NELL1: variants seen among roughly 807,000 people sequenced by gnomAD.
NELL1 encodes protein kinase C-binding protein NELL1.
Under a neutral mutation model 107.4 loss-of-function variants are expected in NELL1, and 76 were observed. The ratio of observed to expected loss-of-function variants is 0.71; its 90% CI spans 0.59 to 0.86. The LOEUF is 0.86. Among genes scored for constraint, NELL1 ranks in the 40% least tolerant of loss-of-function variants. The pLI, the probability that NELL1 is intolerant of heterozygous loss-of-function variation, is 0.00. For missense variants in NELL1, 1,024 were observed against 1,005.5 expected (o/e 1.02, Z -0.25); for synonymous variants, 353 against 341.2 (o/e 1.03, Z -0.38).
intron 5 of NELL1, among the ~76,000 whole-genome samples, chr11:20,896,853 A>G (rs1271429231): frequency 6.6e-6 from 1 of 152,110 alleles, no homozygotes; most frequent in Non-Finnish European, 1.5e-5. Flanking sequence ...TCCAACTTAC[A>G]AGGGATGTGA....
At chr11:21,498,099 C>G (rs1323600110) in intron 15 of NELL1, among the ~76,000 whole-genome samples, 1 of 151,752 alleles carries the variant, frequency 6.6e-6, no homozygotes, top group Non-Finnish European at 1.5e-5. Flanking sequence ...TGCCTTTACA[C>G]TAGAATTATT....
At chr11:21,180,254 G>A (rs1486809168) in intron 13 of NELL1, among the ~76,000 whole-genome samples, 2 of 151,780 alleles carry the variant, frequency 1.3e-5, no homozygotes, top group Admixed American at 6.6e-5. Context: ...AACAAACTCT[G>A]CGGTTGCTTT....
intron 13 of NELL1, among the ~76,000 whole-genome samples, chr11:21,210,674 T>C (rs1857479383): frequency 6.6e-6 from 1 of 152,196 alleles, no homozygotes; most frequent in South Asian, 2.1e-4. Context: ...TTACTGTGTG[T>C]CTTCAACAAT....
chr11:21,236,204 A>G (rs1858202885), intron 14 of NELL1, among the ~76,000 whole-genome samples: 2 of 152,192 alleles, frequency 1.3e-5, no homozygotes, highest in African/African-American at 4.8e-5. Flanking sequence ...CTTCTGAGTC[A>G]GAATAAATTG....
intron 14 of NELL1, chr11:21,284,359 C>T (rs577158296): frequency 4.4e-6 from 2 of 457,198 alleles, no homozygotes; most frequent in East Asian, 7.0e-5. Context: ...GCCTAAAGAT[C>T]ATGACTAAGG....
chr11:21,476,270 G>A (rs1425182955), intron 15 of NELL1, among the ~76,000 whole-genome samples: 1 of 152,124 alleles, frequency 6.6e-6, no homozygotes, highest in East Asian at 1.9e-4. Context: ...TCTTAACAAG[G>A]ATTATTAAGA....
At chr11:21,097,241 A>G (rs1428879960) in intron 12 of NELL1, among the ~76,000 whole-genome samples, 5 of 152,132 alleles carry the variant, frequency 3.3e-5, no homozygotes, top group African/African-American at 1.2e-4. Flanking sequence ...CCTGCTTTCA[A>G]AATGACATTG....
At chr11:21,429,096 A>C (rs1246266884) in intron 15 of NELL1, among the ~76,000 whole-genome samples, 1 of 152,192 alleles carries the variant, frequency 6.6e-6, no homozygotes, top group Non-Finnish European at 1.5e-5. Context: ...CTAATGACAT[A>C]GCATTTTTAA....
At chr11:20,852,680 G>T (rs1245360949) in intron 4 of NELL1, among the ~76,000 whole-genome samples, 1 of 152,186 alleles carries the variant, frequency 6.6e-6, no homozygotes, top group African/African-American at 2.4e-5. Flanking sequence ...GCCAGGCTGA[G>T]ACTCTCAATC....
chr11:21,089,238 C>G (rs888463314), intron 12 of NELL1, among the ~76,000 whole-genome samples: 7 of 152,138 alleles, frequency 4.6e-5, no homozygotes, highest in Non-Finnish European at 7.3e-5. Context: ...ATGTAGTAGC[C>G]AAGTGGAAAT....
chr11:20,805,288 C>T (rs1857359399), intron 3 of NELL1, among the ~76,000 whole-genome samples: 2 of 152,130 alleles, frequency 1.3e-5, no homozygotes, highest in South Asian at 4.1e-4. Context: ...TTAGTCCATT[C>T]ACATTCAATG....
chr11:20,761,422 G>A (rs1029673944), intron 2 of NELL1, among the ~76,000 whole-genome samples: 20 of 152,186 alleles, frequency 1.3e-4, no homozygotes, highest in African/African-American at 4.6e-4. Context: ...TTACCAGTGT[G>A]CATCTGCACA....
rs116590729 is a variant in NELL1, at chr11:20,950,953, C to T, written c.1171+3518C>T. On this transcript the variant is annotated intron_variant, in intron 11 of 19. Coordinates refer to ENST00000357134, the MANE Select transcript of NELL1 (RefSeq NM_006157.5). ...ATCATCTCTCTCTTACTGTGACCAT[C>T]CGGTCATTAGTCTGAGAGAAATTAC... Among the ~76,000 whole-genome samples, 587 of 152,320 alleles carry T rather than the reference C, an allele frequency of 3.9e-3. 5 individuals carry two copies. The highest frequency in any genetic ancestry group is 0.013 in the African/African-American group (558 of 41,568).
At chr11:21,288,955 T>C (rs1216136298) in intron 14 of NELL1, among the ~76,000 whole-genome samples, 5 of 151,980 alleles carry the variant, frequency 3.3e-5, no homozygotes, top group African/African-American at 1.2e-4. Context: ...TAAGAAGGAG[T>C]GTTCTAAGAA....
At chr11:20,718,451 T>C (rs922952707) in intron 2 of NELL1, among the ~76,000 whole-genome samples, 2 of 99,662 alleles carry the variant, frequency 2.0e-5, no homozygotes, top group African/African-American at 3.4e-5. Flanking sequence ...AGGGTCAGGG[T>C]TTATTTATTC....
chr11:21,020,901 C>T (rs548562558), intron 12 of NELL1, among the ~76,000 whole-genome samples: 2 of 151,730 alleles, frequency 1.3e-5, no homozygotes, highest in African/African-American at 4.8e-5. Flanking sequence ...TTGTATTGTA[C>T]CAAATAGCAG....
intron 10 of NELL1, 141 bp downstream of exon 10, chr11:20,938,000 C>T: frequency 1.4e-6 from 1 of 717,616 alleles, no homozygotes; most frequent in Non-Finnish European, 2.4e-6. Flanking sequence ...GGTTGGATTA[C>T]ATGATGGCGA....
intron 15 of NELL1, among the ~76,000 whole-genome samples, chr11:21,376,199 A>C (rs1035446482): frequency 6.6e-6 from 1 of 152,046 alleles, no homozygotes; most frequent in African/African-American, 2.4e-5. Flanking sequence ...TTAATTCTTT[A>C]ATCCATCTTG....
intron 3 of NELL1, among the ~76,000 whole-genome samples, chr11:20,826,876 G>A (rs1333663794): frequency 6.6e-6 from 1 of 151,214 alleles, no homozygotes; most frequent in African/African-American, 2.4e-5. Flanking sequence ...ATATTTAGCT[G>A]AGTTGAAGGG....
Sources: allele counts gnomAD v4.1 joint callset (sites outside exome capture counted in the v4.1 genomes callset), GRCh38; gene constraint gnomAD v4.1.1; transcripts MANE v1.5; gene names NCBI Gene and HGNC (gene_info 2026-07-23, HGNC 2026-07-21).